The following ZFR2 variants were observed in gnomAD, a reference collection of about 807,000 sequenced individuals.
The protein encoded by ZFR2 is zinc finger RNA-binding protein 2.
Under a neutral mutation model 105.7 loss-of-function variants are expected in ZFR2, and 104 were observed. The observed-to-expected ratio is 0.98, with a 90% CI of 0.84 to 1.16. ZFR2 has a LOEUF of 1.16. ZFR2 is among the 50% of genes most tolerant of loss of function. The pLI is 0.00. For synonymous variants in ZFR2, 634 were observed against 597.7 expected (o/e 1.06, Z -0.89); for missense variants, 1,425 against 1,355.5 (o/e 1.05, Z -0.80).
intron 1 of ZFR2, among the ~76,000 whole-genome samples, chr19:3,839,536 CAAAAAAAAAAAAAAAAAAAAAAA>C (rs60712587): frequency 0.024 from 861 of 36,636 alleles, 17 homozygotes; most frequent in Non-Finnish European, 0.034. Flanking sequence ...GGGATTCTGT[CAAAAAAAAAAAAAAAAAAAAAAA>C]AAAAAAAAAA....
At chr19:3,819,852 C>CAAAAGAAA (rs373530026) in intron 11 of ZFR2, among the ~76,000 whole-genome samples, 3 of 138,658 alleles carry the variant, frequency 2.2e-5, no homozygotes, top group Non-Finnish European at 4.7e-5. Flanking sequence ...GACTCTGTCT[C>CAAAAGAAA]AAAAAAAAAT....
intron 1 of ZFR2, chr19:3,852,396 T>C: frequency 1.4e-6 from 1 of 690,930 alleles, no homozygotes; most frequent in South Asian, 1.6e-5. Context: ...ACCTGTTGGA[T>C]GGGGCACTGT....
At position 3,834,433 on chromosome 19, in the gene ZFR2, T is replaced by A. The variant is rs958851386; in HGVS notation, c.264+340A>T. Reference sequence around the variant, plus strand: ...CTGGGCCCAGGTGGCCGAGGCCATCTGCCCTGACCAGGGAGGGGTCCTGTA... The same window carrying A: ...CTGGGCCCAGGTGGCCGAGGCCATCAGCCCTGACCAGGGAGGGGTCCTGTA... On this transcript the variant is annotated intron_variant, in intron 2 of 18. Coordinates refer to ENST00000262961, the MANE Select transcript of ZFR2 (RefSeq NM_015174.2). The surrounding 1 kb of genome is among the most constrained non-coding windows in gnomAD (Gnocchi z 5.3). Among the ~76,000 whole-genome samples, 1 of 152,074 alleles carries A rather than the reference T, an allele frequency of 6.6e-6. No individual in the cohort carries two copies. Among genetic ancestry groups the A allele is most frequent in the African/African-American group, 2.4e-5 (1 of 41,416 alleles).
At chr19:3,863,860 T>C (rs2038400572) in intron 1 of ZFR2, among the ~76,000 whole-genome samples, 1 of 152,120 alleles carries the variant, frequency 6.6e-6, no homozygotes, top group Admixed American at 6.6e-5. Context: ...GTCCAGTGAC[T>C]GCCCCCAAGC....
At position 3,825,248 on chromosome 19, in the gene ZFR2, AGGCCACGGGTCTCTT is replaced by A. The variant is rs765935390; in HGVS notation, c.1180_1194del (p.Lys394_Ala398del). 2.6e-6 allele frequency: 4 copies of A among 1,547,940 alleles called. No individual in the cohort carries two copies. Among genetic ancestry groups the A allele is most frequent in the Non-Finnish European group, 3.5e-6 (4 of 1,155,420 alleles). On this transcript the variant is annotated inframe_deletion, in exon 7 of 19. Coordinates refer to ENST00000262961, the MANE Select transcript of ZFR2 (RefSeq NM_015174.2). ...CACGTACCCTCGCATAAGGCCTTCG[AGGCCACGGGTCTCTT>A]GGCCAGCGCTGGCCTGCTCGAGGCA...
At chr19:3,821,202 G>GCT in intron 10 of ZFR2, 138 bp downstream of exon 10, 1 of 1,241,562 alleles carries the variant, frequency 8.1e-7, no homozygotes, top group Non-Finnish European at 1.1e-6. Flanking sequence ...CGTGCCCACT[G>GCT]CCCGGGCACC....
intron 13 of ZFR2, among the ~76,000 whole-genome samples, chr19:3,814,343 T>A (rs1292878963): frequency 1.3e-5 from 2 of 152,140 alleles, no homozygotes; most frequent in East Asian, 3.9e-4. Context: ...TACCCCATAG[T>A]CAGGGAGGAG....
In ZFR2 at chr19:3,825,493, C is replaced by T. The variant is rs953570087; in HGVS notation, c.1036-86G>A. The T allele has an allele frequency of 2.1e-5, 31 of 1,486,190 alleles. No homozygotes were observed. In the African/African-American group the frequency reaches 2.4e-4, roughly 12 times the overall value. The allele number at this position is 1,486,190 out of a possible 1,614,324, so 92.1% of individuals were successfully genotyped here. On this transcript the variant is annotated intron_variant, in intron 6 of 18. Coordinates refer to ENST00000262961, the MANE Select transcript of ZFR2 (RefSeq NM_015174.2). The stretch of plus-strand genomic sequence containing the variant: ...AAGAGGCAGGAAGGGCCTCCACGGG[C>T]GTGCAGCGCGAGTGTGGGCTGGCCG...
rs1568425047 is a variant in ZFR2 at position 3,831,681 on chromosome 19, GGT to G, written c.575_576del (p.Asn192ThrfsTer15). On this transcript the variant is annotated frameshift_variant, in exon 4 of 19. Coordinates refer to ENST00000262961, the MANE Select transcript of ZFR2 (RefSeq NM_015174.2). LOFTEE classifies it high-confidence loss of function. The stretch of plus-strand genomic sequence containing the variant: ...TTACCCGTGTAGGCGGTGCAGGTGG[GGT>G]TGTAGGAGGGCGGGGGGTAGGAGGT... ...IVTSYPPPSY[N>X]PTCTAYTAPS... 3.2e-6 allele frequency: 5 copies of G among 1,564,958 alleles called. No individual in the cohort carries two copies. The highest frequency in any genetic ancestry group is 4.3e-6 in the Non-Finnish European group (5 of 1,153,294).
intron 1 of ZFR2, among the ~76,000 whole-genome samples, chr19:3,862,451 C>T (rs1339086942): frequency 2.0e-5 from 3 of 152,152 alleles, no homozygotes; most frequent in Non-Finnish European, 2.9e-5. Context: ...GCACGTGCCA[C>T]CACACCCAGG....
chr19:3,848,410 C>T (rs2038204209), intron 1 of ZFR2, among the ~76,000 whole-genome samples: 1 of 151,272 alleles, frequency 6.6e-6, no homozygotes, highest in Non-Finnish European at 1.5e-5. Context: ...GAAACTCCAT[C>T]TCGGAAAAAA....
Position 3,858,305 on chromosome 19 carries a change from G to A in ZFR2, c.53+10660C>T, listed in dbSNP as rs375140736. ...CAGAGGGACACGGGTGGGATCTGCA[G>A]ATAGAGGCAGGTGGCGAAATGTCTT... On this transcript the variant is annotated intron_variant, in intron 1 of 18. Transcript: ENST00000262961. This position sits in a 1 kb window ranked among gnomAD's most constrained non-coding sequence, Gnocchi z 4.3. Among the ~76,000 whole-genome samples, 427 of 152,296 alleles carry A rather than the reference G, an allele frequency of 2.8e-3. 2 individuals are homozygous for A. Among genetic ancestry groups the A allele is most frequent in the African/African-American group, 9.9e-3 (412 of 41,558 alleles).
At chr19:3,817,143 C>T (rs1373975905) in intron 12 of ZFR2, among the ~76,000 whole-genome samples, 3 of 152,196 alleles carry the variant, frequency 2.0e-5, no homozygotes, top group East Asian at 1.9e-4. Flanking sequence ...GCCCGCCCCG[C>T]GAGGTCTGGT....
chr19:3,843,864 A>C (rs2038159540), intron 1 of ZFR2, among the ~76,000 whole-genome samples: 1 of 152,002 alleles, frequency 6.6e-6, no homozygotes, highest in East Asian at 1.9e-4. Flanking sequence ...AAGAAAAAAA[A>C]CAAGTCCTGA....
At chr19:3,852,623 G>A (rs993056318) in intron 1 of ZFR2, 6 of 718,078 alleles carry the variant, frequency 8.4e-6, no homozygotes, top group Non-Finnish European at 1.6e-5. Context: ...GACTGGAAGA[G>A]TAGCAAGGAC....
chr19:3,848,925 C>T lies in ZFR2; in HGVS notation c.54-13942G>A, dbSNP rs191363301. On this transcript the variant is annotated intron_variant, in intron 1 of 18. Transcript: ENST00000262961. ...AGGAGAATGGCATGAACCCCGGAGGCGGAGCTTGCAGTGAGCCGAGATCAC... is the reference window on the plus strand; with the variant it reads ...AGGAGAATGGCATGAACCCCGGAGGTGGAGCTTGCAGTGAGCCGAGATCAC... 8.1e-3 allele frequency among the ~76,000 whole-genome samples: 1,190 copies of T among 147,726 alleles called. 12 individuals carry two copies. The highest frequency in any genetic ancestry group is 0.011 in the Non-Finnish European group (730 of 66,906).
intron 1 of ZFR2, among the ~76,000 whole-genome samples, chr19:3,860,454 C>A (rs567747325): frequency 6.6e-6 from 1 of 152,246 alleles, no homozygotes; most frequent in East Asian, 1.9e-4. Flanking sequence ...CACCATAGGG[C>A]GGCAGGTTCT....
rs1022114989 is a variant in ZFR2 at position 3,813,354 on chromosome 19, C to T, written c.2242+466G>A. On this transcript the variant is annotated intron_variant, in intron 14 of 18. Coordinates refer to ENST00000262961, the MANE Select transcript of ZFR2 (RefSeq NM_015174.2). This position sits in a 1 kb window ranked among gnomAD's most constrained non-coding sequence, Gnocchi z 4.4. ...CCGGCCCCTCACCCACCCTCCCAGG[C>T]CTGGCAGGTCTGGCTTTAAGACCCC... Among the ~76,000 whole-genome samples, 4 of 152,172 alleles carry T rather than the reference C, an allele frequency of 2.6e-5. No homozygotes were observed. The highest frequency in any genetic ancestry group is 4.4e-5 in the Non-Finnish European group (3 of 68,032).
chr19:3,853,857 C>G (rs1260888830), intron 1 of ZFR2, among the ~76,000 whole-genome samples: 1 of 151,440 alleles, frequency 6.6e-6, no homozygotes, highest in Non-Finnish European at 1.5e-5. Flanking sequence ...TAGCTTGAGC[C>G]CAGGAGCACA....
Sources: gnomAD v4.1 joint callset for allele counts (sites outside exome capture counted in the v4.1 genomes callset) on GRCh38, gnomAD v4.1.1 for gene constraint, Gnocchi (gnomAD v3.1) non-coding constraint, MANE v1.5 for transcripts, NCBI Gene and HGNC (gene_info 2026-07-23, HGNC 2026-07-21) for gene names.